The following ASXL2 variants were observed in gnomAD, a reference collection of about 807,000 sequenced individuals.
ASXL2 encodes the protein putative Polycomb group protein ASXL2.
Under a neutral mutation model 122.0 loss-of-function variants are expected in ASXL2, and 23 were observed. The observed-to-expected ratio is 0.19, with a 90% CI of 0.14 to 0.27. The LOEUF (loss-of-function observed/expected upper bound fraction) is 0.27. ASXL2 is among the 10% of genes least tolerant of loss of function. The pLI is 1.00. For missense variants in ASXL2, 1,518 were observed against 1,713.8 expected (o/e 0.89, Z 2.02); for synonymous variants, 650 against 637.0 (o/e 1.02, Z -0.31).
In ASXL2 at chr2:25,739,429, C is replaced by T. The variant is rs2087790852; in HGVS notation, c.*2600G>A. The T allele has an allele frequency of 5.6e-6, 1 of 178,346 alleles. No individual in the cohort carries two copies. The highest frequency in any genetic ancestry group is 2.4e-5 in the African/African-American group (1 of 41,844). 11.0% of individuals were successfully genotyped at this position (178,346 alleles called of 1,614,324 possible). Reference sequence around the variant, plus strand: ...AAGATGAATGGCTTTCCACTTGAAACCTCTGTGTTGAAACCAACTGATAAA... The same window carrying T: ...AAGATGAATGGCTTTCCACTTGAAATCTCTGTGTTGAAACCAACTGATAAA... On this transcript the variant is annotated 3_prime_UTR_variant, in exon 13 of 13. Transcript: ENST00000435504.
Position 25,740,076 on chromosome 2 carries a change from T to C in ASXL2, c.*1953A>G, listed in dbSNP as rs1351495953. 3 of 226,906 alleles carry C rather than the reference T, an allele frequency of 1.3e-5. No individual in the cohort carries two copies. The highest frequency in any genetic ancestry group is 6.7e-5 in the African/African-American group (3 of 45,008). 14.1% of individuals were successfully genotyped at this position (226,906 alleles called of 1,614,324 possible). On this transcript the variant is annotated 3_prime_UTR_variant, in exon 13 of 13. Transcript: ENST00000435504. ...CCCCAATCCTTGCAGCCTTCTTATC[T>C]CTTAGCTGTGTGTGCTGGAAGAAAG...
intron 3 of ASXL2, among the ~76,000 whole-genome samples, chr2:25,815,600 A>T (rs985293278): frequency 6.6e-6 from 1 of 152,186 alleles, no homozygotes. Context: ...TGAAAAGTAG[A>T]ATCTTTCTTC....
intron 1 of ASXL2, among the ~76,000 whole-genome samples, chr2:25,855,022 A>G (rs915709491): frequency 1.1e-4 from 17 of 152,220 alleles, no homozygotes; most frequent in African/African-American, 4.1e-4. Context: ...CAGCTCTGGC[A>G]GACAGTGCCG....
chr2:25,790,186 T>G (rs1436514178), intron 5 of ASXL2, among the ~76,000 whole-genome samples: 1 of 152,040 alleles, frequency 6.6e-6, no homozygotes, highest in Admixed American at 6.6e-5. Context: ...TTAGGTACTT[T>G]CATAGAAATT....
chr2:25,836,044 T>C (rs1299734890), intron 2 of ASXL2, among the ~76,000 whole-genome samples: 1 of 152,172 alleles, frequency 6.6e-6, no homozygotes, highest in African/African-American at 2.4e-5. Context: ...TTTTTTTCAT[T>C]ACTAATCCTT....
chr2:25,781,040 T>C (rs144371365), intron 5 of ASXL2, among the ~76,000 whole-genome samples: 2,750 of 141,376 alleles, frequency 0.019, 101 homozygotes, highest in African/African-American at 0.065. Context: ...GCCGAGATCA[T>C]GCCACTGCAC....
chr2:25,823,557 A>G (rs951254800), intron 3 of ASXL2, among the ~76,000 whole-genome samples: 19 of 152,190 alleles, frequency 1.2e-4, no homozygotes, highest in African/African-American at 4.6e-4. Context: ...TGAAGCCTGT[A>G]TATTTGGTAT....
At chr2:25,752,678 A>G (rs1442633762) in intron 11 of ASXL2, among the ~76,000 whole-genome samples, 1 of 150,994 alleles carries the variant, frequency 6.6e-6, no homozygotes, top group Non-Finnish European at 1.5e-5. Context: ...TGAAACCCCA[A>G]CTCCACTAAA....
At chr2:25,780,554 C>A (rs1325447343) in intron 5 of ASXL2, among the ~76,000 whole-genome samples, 7 of 152,178 alleles carry the variant, frequency 4.6e-5, no homozygotes, top group Non-Finnish European at 1.0e-4. Flanking sequence ...AAGCCCAGAT[C>A]TACTGAATCA....
At chr2:25,801,509 C>G (rs1220135670) in intron 4 of ASXL2, among the ~76,000 whole-genome samples, 2 of 152,136 alleles carry the variant, frequency 1.3e-5, no homozygotes, top group Non-Finnish European at 2.9e-5. Context: ...AATACACACC[C>G]TATATTTTTC....
chr2:25,813,376 T>C (rs1169338551), intron 3 of ASXL2, among the ~76,000 whole-genome samples: 4 of 152,202 alleles, frequency 2.6e-5, no homozygotes, highest in Non-Finnish European at 4.4e-5. Flanking sequence ...ATAAATGATA[T>C]GACACTGCCA....
At chr2:25,750,644 C>T (rs1197844077) in intron 11 of ASXL2, among the ~76,000 whole-genome samples, 6 of 152,200 alleles carry the variant, frequency 3.9e-5, no homozygotes, top group African/African-American at 7.2e-5. Flanking sequence ...AATGACTAGC[C>T]TTCTTTACTT....
intron 5 of ASXL2, among the ~76,000 whole-genome samples, 188 bp from the exon 6 acceptor site, chr2:25,771,728 A>T (rs1167460478): frequency 6.6e-6 from 1 of 152,154 alleles, no homozygotes; most frequent in Admixed American, 6.5e-5. Flanking sequence ...AGTTCTAATG[A>T]AGGATGATAG....
intron 1 of ASXL2, among the ~76,000 whole-genome samples, chr2:25,852,331 T>C (rs1391930640): frequency 6.6e-6 from 1 of 152,242 alleles, no homozygotes; most frequent in East Asian, 1.9e-4. Context: ...AAAAATTATA[T>C]TTTCTAACAC....
In ASXL2 at chr2:25,738,880, T is replaced by C. The variant is rs2087780129; in HGVS notation, c.*3149A>G. 6.6e-6 allele frequency: 1 copy of C among 152,200 alleles called. No homozygotes were observed. The highest frequency in any genetic ancestry group is 2.4e-5 in the African/African-American group (1 of 41,454). The allele number at this position is 152,200 out of a possible 1,614,324, so 9.4% of individuals were successfully genotyped here. ...TTGCCAGCTCTTATTCTTAGAAATG[T>C]TACATGAAATACCACAGATAGCTTC... On this transcript the variant is annotated 3_prime_UTR_variant, in exon 13 of 13. Coordinates refer to ENST00000435504, the MANE Select transcript of ASXL2 (RefSeq NM_018263.6).
intron 1 of ASXL2, among the ~76,000 whole-genome samples, chr2:25,866,648 T>A (rs2089907264): frequency 6.6e-6 from 1 of 152,226 alleles, no homozygotes. Context: ...GGTATGACTT[T>A]TATATTCCAA....
chr2:25,857,904 TC>T (rs2089799938), intron 1 of ASXL2, among the ~76,000 whole-genome samples: 1 of 152,072 alleles, frequency 6.6e-6, no homozygotes, highest in Non-Finnish European at 1.5e-5. Flanking sequence ...ACAGAGTCTC[TC>T]TCTGTCACCC....
At chr2:25,756,411 A>G (rs1213605529) in intron 9 of ASXL2, among the ~76,000 whole-genome samples, 1 of 148,378 alleles carries the variant, frequency 6.7e-6, no homozygotes, top group Non-Finnish European at 1.5e-5. Flanking sequence ...CTGGCTATCC[A>G]CCCAGTAGAA....
chr2:25,795,392 T>C (rs1444115736), intron 5 of ASXL2, among the ~76,000 whole-genome samples: 1 of 152,238 alleles, frequency 6.6e-6, no homozygotes, highest in Non-Finnish European at 1.5e-5. Context: ...GGTTATGTTA[T>C]TCATATCTAC....
Sources: gnomAD v4.1 joint callset for allele counts (sites outside exome capture counted in the v4.1 genomes callset) on GRCh38, gnomAD v4.1.1 for gene constraint, MANE v1.5 for transcripts, NCBI Gene and HGNC (gene_info 2026-07-23, HGNC 2026-07-21) for gene names.